The following PKIA variants were observed in gnomAD, a reference collection of about 807,000 sequenced individuals.
PKIA encodes cAMP-dependent protein kinase inhibitor alpha.
Under a neutral mutation model 7.6 loss-of-function variants are expected in PKIA, and 4 were observed. That is an observed-to-expected ratio of 0.52 (90% CI 0.26 to 1.20). The LOEUF (loss-of-function observed/expected upper bound fraction) is 1.20, where lower values mean the gene tolerates loss of function less well. Among genes scored for constraint, PKIA ranks in the 50% most tolerant of loss-of-function variants. The pLI is 0.13. For synonymous variants in PKIA, 21 were observed against 30.7 expected, an observed-to-expected ratio of 0.68 and a Z score of 1.04; for missense variants, 73 against 86.2, an observed-to-expected ratio of 0.85 and a Z score of 0.61.
At chr8:78,537,984 G>A (rs754888702) in intron 1 of PKIA, among the ~76,000 whole-genome samples, 3 of 151,904 alleles carry the variant, frequency 2.0e-5, no homozygotes, top group Non-Finnish European at 2.9e-5. Context: ...CATAAATCAG[G>A]TGTCCTGGTC....
chr8:78,555,617 A>T (rs1807113155), intron 1 of PKIA, among the ~76,000 whole-genome samples: 2 of 152,012 alleles, frequency 1.3e-5, no homozygotes, highest in African/African-American at 4.8e-5. Flanking sequence ...ATTAAAATTG[A>T]TCCCTGTTTT....
chr8:78,600,179 C>T lies in PKIA; in HGVS notation c.152-1563C>T, dbSNP rs867788182. 3.9e-5 allele frequency among the ~76,000 whole-genome samples: 6 copies of T among 151,954 alleles called. 1 individual carries two copies. The Middle Eastern group carries it at 0.01, about 260-fold the overall frequency. ...CCAGGAACAGTATACAAAGCAATAA[C>T]TTTGTTTATTCTAAGTACAAAAAAC... On this transcript the variant is annotated intron_variant, in intron 3 of 3. Transcript: ENST00000396418.
chr8:78,587,448 T>C (rs1030848903), intron 2 of PKIA, among the ~76,000 whole-genome samples: 3 of 152,230 alleles, frequency 2.0e-5, no homozygotes, highest in African/African-American at 7.2e-5. Context: ...GTTTCTTCTT[T>C]TGTAATGTGC....
intron 2 of PKIA, among the ~76,000 whole-genome samples, chr8:78,595,560 G>A (rs981986672): frequency 2.6e-5 from 4 of 152,132 alleles, no homozygotes; most frequent in African/African-American, 9.7e-5. Flanking sequence ...GTACCCTATA[G>A]TTTTTTGATC....
intron 2 of PKIA, among the ~76,000 whole-genome samples, chr8:78,583,582 C>T (rs1364616731): frequency 1.3e-5 from 2 of 152,090 alleles, no homozygotes; most frequent in Non-Finnish European, 2.9e-5. Context: ...GAGCATTTTC[C>T]TTTCTTCTTT....
rs116497371 is a variant in PKIA, at chr8:78,550,835, C to A, written c.-156-21976C>A. On this transcript the variant is annotated intron_variant, in intron 1 of 3. Transcript: ENST00000396418. ...CTTCCCACCCTTTCTCCCTCAAGACCCCAAAGTTCATTGTATCATTCTTAT... is the reference window on the plus strand; with the variant it reads ...CTTCCCACCCTTTCTCCCTCAAGACACCAAAGTTCATTGTATCATTCTTAT... Among the ~76,000 whole-genome samples, 795 of 152,058 alleles carry A rather than the reference C, an allele frequency of 5.2e-3. 9 individuals are homozygous for A. Among genetic ancestry groups the A allele is most frequent in the African/African-American group, 0.017 (716 of 41,504 alleles).
At chr8:78,597,383 T>C (rs1808250269) in intron 2 of PKIA, among the ~76,000 whole-genome samples, 1 of 152,168 alleles carries the variant, frequency 6.6e-6, no homozygotes, top group African/African-American at 2.4e-5. Flanking sequence ...TCTCAAGTAA[T>C]GACTTATCAA....
intron 2 of PKIA, among the ~76,000 whole-genome samples, chr8:78,586,077 T>C (rs1807943997): frequency 6.6e-6 from 1 of 152,126 alleles, no homozygotes; most frequent in South Asian, 2.1e-4. Flanking sequence ...GGCAGTCTTC[T>C]CCACTGCACC....
intron 2 of PKIA, among the ~76,000 whole-genome samples, chr8:78,597,436 T>A (rs1010083885): frequency 5.3e-5 from 8 of 152,176 alleles, no homozygotes; most frequent in African/African-American, 1.9e-4. Flanking sequence ...AAGCGCTATT[T>A]GATCACTGAA....
At position 78,602,989 on chromosome 8, in the gene PKIA, C is replaced by T. The variant is rs1193357234; in HGVS notation, c.*1168C>T. On this transcript the variant is annotated 3_prime_UTR_variant, in exon 4 of 4. Coordinates refer to ENST00000396418, the MANE Select transcript of PKIA (RefSeq NM_006823.4). ...TCTCAGATCCAAATGTTATTATGCACTTTTTAATGTTTGTAAACTTTTACT... is the reference window on the plus strand; with the variant it reads ...TCTCAGATCCAAATGTTATTATGCATTTTTTAATGTTTGTAAACTTTTACT... 2.6e-5 allele frequency: 4 copies of T among 152,248 alleles called. No homozygotes were observed. The highest frequency in any genetic ancestry group is 5.9e-5 in the Non-Finnish European group (4 of 67,916). The allele number at this position is 152,248 out of a possible 1,614,324, so 9.4% of individuals were successfully genotyped here.
intron 3 of PKIA, among the ~76,000 whole-genome samples, chr8:78,599,329 C>G (rs1808301838): frequency 6.6e-6 from 1 of 151,960 alleles, no homozygotes; most frequent in African/African-American, 2.4e-5. Context: ...TAGGGAAACC[C>G]TGATATTATG....
At chr8:78,528,900 T>C (rs1585869062) in intron 1 of PKIA, among the ~76,000 whole-genome samples, 3 of 152,218 alleles carry the variant, frequency 2.0e-5, no homozygotes, top group Admixed American at 6.6e-5. Flanking sequence ...TCATATTTCA[T>C]ATAAACTTTG....
At chr8:78,585,410 A>G (rs1448323345) in intron 2 of PKIA, among the ~76,000 whole-genome samples, 1 of 152,160 alleles carries the variant, frequency 6.6e-6, no homozygotes, top group Non-Finnish European at 1.5e-5. Flanking sequence ...CTTTGAAATA[A>G]CTTATAACAG....
At chr8:78,557,875 G>C (rs1009075081) in intron 1 of PKIA, among the ~76,000 whole-genome samples, 4 of 146,790 alleles carry the variant, frequency 2.7e-5, no homozygotes, top group Non-Finnish European at 6.0e-5. Context: ...GTGTTTCCCT[G>C]TAACATTTTG....
intron 1 of PKIA, among the ~76,000 whole-genome samples, chr8:78,568,591 C>T (rs1251271708): frequency 6.6e-6 from 1 of 152,060 alleles, no homozygotes; most frequent in African/African-American, 2.4e-5. Context: ...AGACTTACTT[C>T]GGGACTTAAG....
intron 1 of PKIA, among the ~76,000 whole-genome samples, chr8:78,520,460 A>C (rs1348694375): frequency 6.6e-6 from 1 of 152,164 alleles, no homozygotes; most frequent in Non-Finnish European, 1.5e-5. Flanking sequence ...TCATCTAGGG[A>C]CTTTCATCTT....
At chr8:78,516,898 T>C (rs1047998366) in intron 1 of PKIA, among the ~76,000 whole-genome samples, 1 of 152,122 alleles carries the variant, frequency 6.6e-6, no homozygotes, top group Non-Finnish European at 1.5e-5. Flanking sequence ...CCTCTCCCTT[T>C]CCAGTTATCA....
rs567276225 is a variant in PKIA at position 78,598,307 on chromosome 8, T to G, written c.-27-51T>G. On this transcript the variant is annotated intron_variant, in intron 2 of 3. Transcript: ENST00000396418. ...ATATACTAAGTCGGTAGTTAAATGTTTAGCATTGACTACCATTATATTCAC... is the reference window on the plus strand; with the variant it reads ...ATATACTAAGTCGGTAGTTAAATGTGTAGCATTGACTACCATTATATTCAC... The G allele has an allele frequency of 2.1e-5, 24 of 1,146,676 alleles. No individual in the cohort carries two copies. In the South Asian group the frequency reaches 3.4e-4, roughly 16 times the overall value. The allele number at this position is 1,146,676 out of a possible 1,614,324, so 71.0% of individuals were successfully genotyped here.
At chr8:78,581,424 TA>T (rs1807803931) in intron 2 of PKIA, among the ~76,000 whole-genome samples, 1 of 152,076 alleles carries the variant, frequency 6.6e-6, no homozygotes, top group South Asian at 2.1e-4. Flanking sequence ...GTATTAATGT[TA>T]AAAAAGAAAT....
Sources: gnomAD v4.1 joint callset for allele counts (sites outside exome capture counted in the v4.1 genomes callset) on GRCh38, gnomAD v4.1.1 for gene constraint, MANE v1.5 for transcripts, NCBI Gene and HGNC (gene_info 2026-07-23, HGNC 2026-07-21) for gene names.